ADGRL2: variants seen among roughly 807,000 people sequenced by gnomAD.
ADGRL2 encodes adhesion G protein-coupled receptor L2, also known as calcium-independent alpha-latrotoxin receptor 2.
ADGRL2 carries 44 observed loss-of-function variants against 157.4 expected under a neutral mutation model. That is an observed-to-expected ratio of 0.28 (90% CI 0.22 to 0.36). The LOEUF (loss-of-function observed/expected upper bound fraction) is 0.36, where lower values mean the gene tolerates loss of function less well. Among genes scored for constraint, ADGRL2 ranks in the 10% least tolerant of loss-of-function variants. The pLI, the probability that ADGRL2 is intolerant of heterozygous loss-of-function variation, is 1.00. For missense variants in ADGRL2, 1,510 were observed against 1,768.9 expected (o/e 0.85, Z 2.63); for synonymous variants, 585 against 624.7 (o/e 0.94, Z 0.95).
chr1:81,729,945 A>G (rs2084664188), intron 1 of ADGRL2, among the ~76,000 whole-genome samples: 2 of 152,230 alleles, frequency 1.3e-5, no homozygotes, highest in Admixed American at 1.3e-4. Context: ...GCATGACATG[A>G]CAGCCTTCCT....
chr1:81,914,254 A>G (rs1264519594), intron 3 of ADGRL2, among the ~76,000 whole-genome samples: 1 of 152,074 alleles, frequency 6.6e-6, no homozygotes, highest in Non-Finnish European at 1.5e-5. Context: ...TTTTTATTTA[A>G]TTAATATTTG....
chr1:81,716,686 G>T (rs989695414), intron 1 of ADGRL2, among the ~76,000 whole-genome samples: 1 of 152,002 alleles, frequency 6.6e-6, no homozygotes, highest in Non-Finnish European at 1.5e-5. Flanking sequence ...CAGTATCTAA[G>T]AACTAGATTA....
chr1:81,773,898 C>A (rs1018465511), intron 2 of ADGRL2, among the ~76,000 whole-genome samples: 1 of 152,100 alleles, frequency 6.6e-6, no homozygotes, highest in Non-Finnish European at 1.5e-5. Flanking sequence ...ATGAGGTCAT[C>A]GGGGTGGCCC....
At chr1:81,825,410 G>T (rs927285232) in intron 1 of ADGRL2, among the ~76,000 whole-genome samples, 1 of 151,788 alleles carries the variant, frequency 6.6e-6, no homozygotes, top group Admixed American at 6.6e-5. Context: ...GTGCAGTGGC[G>T]CAATCTCATC....
In ADGRL2 at chr1:81,379,997, G is replaced by A. The variant is rs910589665; in HGVS notation, c.-301-65039G>A. The stretch of plus-strand genomic sequence containing the variant: ...TCTTCTGTATCATTTAAACGGACGT[G>A]TCCTTCCCTTCCCAGCACTCCCTTA... On this transcript the variant is annotated intron_variant, in intron 1 of 24. Transcript: ENST00000370721. Among the ~76,000 whole-genome samples the A allele has an allele frequency of 5.3e-5, 8 of 152,198 alleles. No individual in the cohort carries two copies. The East Asian group carries it at 1.2e-3, about 22-fold the overall frequency.
At chr1:81,497,150 G>T (rs1040886728) in intron 2 of ADGRL2, among the ~76,000 whole-genome samples, 4 of 152,138 alleles carry the variant, frequency 2.6e-5, no homozygotes, top group African/African-American at 9.7e-5. Flanking sequence ...ACACTGTGTA[G>T]AAAACTGCCA....
chr1:81,770,238 C>CTGCA (rs2086303380), intron 2 of ADGRL2, among the ~76,000 whole-genome samples: 1 of 141,744 alleles, frequency 7.1e-6, no homozygotes, highest in Non-Finnish European at 1.5e-5. Context: ...TTTCTGCTCA[C>CTGCA]TGCAACCTCT....
chr1:81,973,446 A>G (rs901354709), intron 17 of ADGRL2, among the ~76,000 whole-genome samples: 2 of 152,216 alleles, frequency 1.3e-5, no homozygotes. Flanking sequence ...GCAAAAATGT[A>G]AAGACTGCTT....
At chr1:81,327,896 C>G (rs1366508183) in intron 1 of ADGRL2, among the ~76,000 whole-genome samples, 3 of 152,162 alleles carry the variant, frequency 2.0e-5, no homozygotes, top group Non-Finnish European at 4.4e-5. Context: ...TTAGTTGCTT[C>G]TTGAGCTATT....
intron 2 of ADGRL2, among the ~76,000 whole-genome samples, chr1:81,494,100 T>C (rs984332385): frequency 6.6e-6 from 1 of 152,160 alleles, no homozygotes; most frequent in African/African-American, 2.4e-5. Flanking sequence ...TGTTCAGTGA[T>C]CTAATAGCAC....
intron 1 of ADGRL2, among the ~76,000 whole-genome samples, chr1:81,815,396 T>C (rs1209416242): frequency 6.6e-6 from 1 of 151,812 alleles, no homozygotes; most frequent in Non-Finnish European, 1.5e-5. Flanking sequence ...ACAGTAGCTT[T>C]GGCTAATGCA....
chr1:81,781,077 T>A (rs1018954213), intron 2 of ADGRL2, among the ~76,000 whole-genome samples: 16 of 152,242 alleles, frequency 1.1e-4, no homozygotes, highest in Non-Finnish European at 2.4e-4. Flanking sequence ...TTATTTATTT[T>A]CTCTTTTCCT....
Position 81,993,087 on chromosome 1 carries a change from A to ATTTTTTTTTTTTT in ADGRL2, c.*1962_*1974dup, listed in dbSNP as rs71085382. The stretch of plus-strand genomic sequence containing the variant: ...TATATATATATATATATATATATAT[A>ATTTTTTTTTTTTT]TTTTTTTTTTTTTTTTTTTTTTTTT... On this transcript the variant is annotated 3_prime_UTR_variant, in exon 24 of 24. Transcript: ENST00000686636. Among the ~76,000 whole-genome samples the ATTTTTTTTTTTTT allele has an allele frequency of 3.4e-5, 1 of 29,198 alleles. No individual in the cohort carries two copies. Among genetic ancestry groups the ATTTTTTTTTTTTT allele is most frequent in the Non-Finnish European group, 5.5e-5 (1 of 18,338 alleles). The allele number at this position is 29,198 out of a possible 152,430, so 19.2% of individuals were successfully genotyped here.
At chr1:81,607,807 C>T (rs2081464533) in intron 3 of ADGRL2, among the ~76,000 whole-genome samples, 1 of 152,096 alleles carries the variant, frequency 6.6e-6, no homozygotes, top group Admixed American at 6.6e-5. Flanking sequence ...ATAGGACCTC[C>T]CTTTGGTACT....
At chr1:81,322,109 T>TATATATATACAC (rs71592379) in intron 1 of ADGRL2, among the ~76,000 whole-genome samples, 2 of 129,850 alleles carry the variant, frequency 1.5e-5, no homozygotes, top group African/African-American at 5.7e-5. Flanking sequence ...TATATATATA[T>TATATATATACAC]ACACATATAT....
At chr1:81,769,019 AG>A (rs2086247899) in intron 2 of ADGRL2, among the ~76,000 whole-genome samples, 1 of 152,048 alleles carries the variant, frequency 6.6e-6, no homozygotes, top group Non-Finnish European at 1.5e-5. Context: ...CAGGAGGCGG[AG>A]GTTGCTGAGT....
At chr1:81,355,067 C>A (rs1663180410) in intron 1 of ADGRL2, among the ~76,000 whole-genome samples, 2 of 152,176 alleles carry the variant, frequency 1.3e-5, no homozygotes, top group Admixed American at 1.3e-4. Context: ...AATAGACAGG[C>A]TTTTTCTATG....
intron 17 of ADGRL2, 64 bp downstream of exon 17, chr1:81,971,982 G>A: frequency 3.9e-6 from 4 of 1,023,842 alleles, no homozygotes; most frequent in Non-Finnish European, 5.9e-6. Flanking sequence ...TTCAAACAAG[G>A]ATAATTTGTT....
intron 1 of ADGRL2, among the ~76,000 whole-genome samples, chr1:81,831,454 C>T (rs1469149844): frequency 6.6e-6 from 1 of 151,892 alleles, no homozygotes; most frequent in South Asian, 2.1e-4. Context: ...TGATTTTGTT[C>T]TGTATTCATT....
Sources: gnomAD v4.1 joint callset for allele counts (sites outside exome capture counted in the v4.1 genomes callset) on GRCh38, gnomAD v4.1.1 for gene constraint, MANE v1.5 for transcripts, NCBI Gene and HGNC (gene_info 2026-07-23, HGNC 2026-07-21) for gene names.